Variants in AKAP11 observed in about 807,000 individuals in gnomAD.
AKAP11 encodes the protein A-kinase anchoring protein 11, also known as A-kinase anchor protein 11.
In AKAP11, 36 loss-of-function variants were observed where a neutral mutation model predicts 146.1. The observed-to-expected ratio is 0.25, with a 90% CI of 0.19 to 0.33. The LOEUF (loss-of-function observed/expected upper bound fraction) is 0.33. Among genes scored for constraint, AKAP11 ranks in the 10% least tolerant of loss-of-function variants. The probability of loss-of-function intolerance (pLI) is 1.00; values close to 1 mark genes in which losing one functional copy is unlikely to be tolerated. For missense variants in AKAP11, 2,201 were observed against 2,197.0 expected (o/e 1.00, Z -0.04); for synonymous variants, 780 against 786.5 (o/e 0.99, Z 0.14).
At position 42,281,983 on chromosome 13, in the gene AKAP11, T is replaced by TC. The variant is rs200892048; in HGVS notation, c.-99-4003_-99-4002insC. 8.7e-3 allele frequency among the ~76,000 whole-genome samples: 1,296 copies of TC among 149,426 alleles called. 42 individuals carry two copies. Among genetic ancestry groups the TC allele is most frequent in the Admixed American group, 0.051 (769 of 14,990 alleles). On this transcript the variant is annotated intron_variant, in intron 1 of 12. Transcript: ENST00000025301. ...GTCTGTATATAATTTTTTCTTTCTT[T>TC]TTTTTTTTTTTTTGAGACTCTGTGG...
chr13:42,301,050 G>T lies in AKAP11; in HGVS notation c.2304G>T (p.Gln768His), dbSNP rs768510563. 3 of 1,613,998 alleles carry T rather than the reference G, an allele frequency of 1.9e-6. No homozygotes were observed. The highest frequency in any genetic ancestry group is 2.7e-5 in the African/African-American group (2 of 74,928). ...ATAAAAAGGAATACACAGTGCAGCAGGCCTTGTTTTGTACTTCTGGAATTG... is the reference window on the plus strand; with the variant it reads ...ATAAAAAGGAATACACAGTGCAGCATGCCTTGTTTTGTACTTCTGGAATTG... ...QEYKKEYTVQ[Q>H]ALFCTSGIVT... is the part of the protein sequence containing the mutation. Residue 768 changes from glutamine (Q) to histidine (H), a missense_variant, in exon 8 of 13, where the codon CAG becomes CAT. Gln to His is a conservative substitution (Grantham distance 24). Coordinates refer to ENST00000025301, the MANE Select transcript of AKAP11 (RefSeq NM_016248.4).
intron 8 of AKAP11, among the ~76,000 whole-genome samples, chr13:42,304,181 T>C (rs904032459): frequency 1.3e-5 from 2 of 152,216 alleles, no homozygotes; most frequent in Non-Finnish European, 2.9e-5. Context: ...GAGAATTTTA[T>C]ATAGTAGTCC....
Position 42,303,716 on chromosome 13 carries a change from A to C in AKAP11, c.4970A>C (p.Glu1657Ala). The C allele has an allele frequency of 1.2e-6, 2 of 1,614,184 alleles. No homozygotes were observed. Among genetic ancestry groups the C allele is most frequent in the Non-Finnish European group, 1.7e-6 (2 of 1,180,020 alleles). ...GTGCTTGCTGAGAAGATAGTTGCTG[A>C]AGCCATTGAAAAAGCTGAGCGAGAG... is the stretch of plus-strand genomic sequence containing the variant. ...KAVLAEKIVA[E>A]AIEKAERELS... The change falls in exon 8 of 13, where the codon GAA (glutamate) becomes GCA (alanine). Residue 1657 changes from glutamate to alanine, a missense_variant. Coordinates refer to ENST00000025301, the MANE Select transcript of AKAP11 (RefSeq NM_016248.4).
chr13:42,295,341 A>T (rs1039542967), intron 4 of AKAP11, among the ~76,000 whole-genome samples: 1 of 152,212 alleles, frequency 6.6e-6, no homozygotes, highest in Non-Finnish European at 1.5e-5. Flanking sequence ...CATGGGAAGC[A>T]TGGAGGAGTT....
chr13:42,319,133 C>T lies in AKAP11; in HGVS notation c.5611C>T (p.Leu1871=). The change falls in exon 13 of 13, where the codon CTG becomes TTG. Residue 1871 remains leucine, a synonymous_variant. Coordinates refer to ENST00000025301, the MANE Select transcript of AKAP11 (RefSeq NM_016248.4). ...GAAAGGATGGAAAGTGGGAGACCTC[C>T]TGCAGGCTGTGCTTCAATACTATGA... ...QEKGWKVGDL[L]QAVLQYYEVM... 1 of 1,614,030 alleles carries T rather than the reference C, an allele frequency of 6.2e-7. No individual in the cohort carries two copies. The highest frequency in any genetic ancestry group is 8.5e-7 in the Non-Finnish European group (1 of 1,179,962).
chr13:42,313,581 G>A (rs1336875994), intron 10 of AKAP11, among the ~76,000 whole-genome samples: 2 of 152,076 alleles, frequency 1.3e-5, no homozygotes, highest in Non-Finnish European at 2.9e-5. Flanking sequence ...ATATTCAAAT[G>A]CTACATTAAA....
In AKAP11 at chr13:42,300,753, A is replaced by G; in HGVS notation, c.2007A>G (p.Gln669=). Residue 669 remains glutamine (Q), a synonymous_variant, in exon 8 of 13, where the codon CAA becomes CAG. Coordinates refer to ENST00000025301, the MANE Select transcript of AKAP11 (RefSeq NM_016248.4). The part of the protein sequence containing the change: ...IMEVCQFSYP[Q]TPASPQCGSF... ...AGGTGTGTCAGTTTTCATATCCTCA[A>G]ACGCCTGCATCTCCACAGTGTGGGT... is the stretch of plus-strand genomic sequence containing the variant. 5 of 1,614,090 alleles carry G rather than the reference A, an allele frequency of 3.1e-6. No homozygotes were observed. The highest frequency in any genetic ancestry group is 4.2e-6 in the Non-Finnish European group (5 of 1,179,962).
chr13:42,276,811 C>T (rs1958931784), intron 1 of AKAP11, among the ~76,000 whole-genome samples: 2 of 152,172 alleles, frequency 1.3e-5, no homozygotes, highest in South Asian at 4.1e-4. Context: ...CGGCTACTGG[C>T]AGCTTAGGAT....
chr13:42,299,848 A>G lies in AKAP11; in HGVS notation c.1102A>G (p.Thr368Ala). ...SFDQFDELEQ[T>A]LETCLFNKDP... ...TGATCAGTTTGATGAACTAGAACAAACTTTAGAGACTTGCCTGTTTAACAA... is the reference window on the plus strand; with the variant it reads ...TGATCAGTTTGATGAACTAGAACAAGCTTTAGAGACTTGCCTGTTTAACAA... Residue 368 changes from threonine (T) to alanine (A), a missense_variant, in exon 8 of 13, where the codon ACT (threonine) becomes GCT (alanine). Thr to Ala is a moderately conservative substitution (Grantham distance 58, BLOSUM62 0). Coordinates refer to ENST00000025301, the MANE Select transcript of AKAP11 (RefSeq NM_016248.4). 1 of 1,613,818 alleles carries G rather than the reference A, an allele frequency of 6.2e-7. No homozygotes were observed. The highest frequency in any genetic ancestry group is 1.3e-5 in the African/African-American group (1 of 75,032).
At chr13:42,310,278 G>A (rs1960488141) in intron 9 of AKAP11, among the ~76,000 whole-genome samples, 1 of 152,124 alleles carries the variant, frequency 6.6e-6, no homozygotes, top group African/African-American at 2.4e-5. Flanking sequence ...TGGCATTAAG[G>A]TTCTGGCACA....
chr13:42,313,000 TA>T (rs1391404842), intron 9 of AKAP11, 46 bp from the exon 10 acceptor site: 2 of 1,514,488 alleles, frequency 1.3e-6, no homozygotes, highest in African/African-American at 2.8e-5. Flanking sequence ...AGGTCTTTTC[TA>T]CTATTCATTT....
At chr13:42,271,953 G>A (rs1308164771), upstream of AKAP11, among the ~76,000 whole-genome samples, 1 of 151,542 alleles carries the variant, frequency 6.6e-6, no homozygotes, top group Non-Finnish European at 1.5e-5. Flanking sequence ...CCACTTTTGC[G>A]CGGGCTCGGC....
At chr13:42,306,295 C>T (rs937727069) in intron 8 of AKAP11, among the ~76,000 whole-genome samples, 3 of 152,148 alleles carry the variant, frequency 2.0e-5, no homozygotes, top group Non-Finnish European at 2.9e-5. Context: ...ACTTTTTACT[C>T]CTCCTCAGTT....
At chr13:42,315,440 A>G (rs1294631832) in intron 11 of AKAP11, among the ~76,000 whole-genome samples, 1 of 152,192 alleles carries the variant, frequency 6.6e-6, no homozygotes, top group African/African-American at 2.4e-5. Flanking sequence ...TTGTTTATAA[A>G]AGTTATGCCT....
intron 11 of AKAP11, 25 bp downstream of exon 11, chr13:42,313,965 G>A: frequency 6.2e-7 from 1 of 1,612,032 alleles, no homozygotes; most frequent in Non-Finnish European, 8.5e-7. Flanking sequence ...TTTTCAAAGT[G>A]TTGGCATGTG....
chr13:42,303,936 C>T (rs1166178452), intron 8 of AKAP11, 73 bp downstream of exon 8: 1 of 1,462,928 alleles, frequency 6.8e-7, no homozygotes, highest in Non-Finnish European at 9.1e-7. Context: ...GTCTTAGGTC[C>T]TGTTCATAAA....
chr13:42,313,496 A>AT (rs1960666033), intron 10 of AKAP11, among the ~76,000 whole-genome samples: 1 of 152,188 alleles, frequency 6.6e-6, no homozygotes, highest in African/African-American at 2.4e-5. Flanking sequence ...ATAGGTAAAA[A>AT]GTGTTTTTAC....
Position 42,299,768 on chromosome 13 carries a change from T to A in AKAP11, c.1022T>A (p.Met341Lys), listed in dbSNP as rs1244524253. Residue 341 changes from methionine (M) to lysine (K), a missense_variant, in exon 8 of 13, where the codon ATG becomes AAG. Met to Lys is a moderately conservative substitution (Grantham distance 95). This residue lies in a region of AKAP11 where 1,867 missense variants were observed against 1,833.5 expected (regional missense o/e 1.02). Coordinates refer to ENST00000025301, the MANE Select transcript of AKAP11 (RefSeq NM_016248.4). ...CTTGAGCTGCCTAAAATTCCTGTGATGAAAGATGATATAGAGGATTCAGAC... is the reference window on the plus strand; with the variant it reads ...CTTGAGCTGCCTAAAATTCCTGTGAAGAAAGATGATATAGAGGATTCAGAC... Reference protein sequence around the residue: ...AKLELPKIPVMKDDIEDSDSE... With the variant: ...AKLELPKIPVKKDDIEDSDSE... The A allele has an allele frequency of 6.2e-7, 1 of 1,613,928 alleles. No individual in the cohort carries two copies.
chr13:42,317,418 C>A, intron 11 of AKAP11, 110 bp from the exon 12 acceptor site: 2 of 1,135,778 alleles, frequency 1.8e-6, no homozygotes, highest in African/African-American at 1.6e-5. Context: ...TTTTTTTCAC[C>A]ATTCATTAGA....
Sources: gnomAD v4.1 joint callset for allele counts (sites outside exome capture counted in the v4.1 genomes callset) on GRCh38, gnomAD v4.1.1 for gene constraint, gnomAD v4.1.1 regional missense constraint, MANE v1.5 for transcripts, NCBI Gene and HGNC (gene_info 2026-07-23, HGNC 2026-07-21) for gene names.